Variants in WNT16 observed in about 807,000 individuals in gnomAD.
WNT16 encodes the protein Wnt family member 16.
In WNT16, 20 loss-of-function variants were observed where a neutral mutation model predicts 35.4. That is an observed-to-expected ratio of 0.56 (90% CI 0.40 to 0.82). The LOEUF is 0.82. Ranked by LOEUF, WNT16 falls within the 40% of genes least tolerant of loss-of-function variation. WNT16 has a pLI of 0.00. For missense variants in WNT16, 461 were observed against 466.0 expected (o/e 0.99, Z 0.10); for synonymous variants, 180 against 179.2 (o/e 1.00, Z -0.03).
chr7:121,325,496 T>C, upstream of WNT16: 1 of 1,610,580 alleles, frequency 6.2e-7, no homozygotes, highest in Non-Finnish European at 8.5e-7. Flanking sequence ...TTTTGTTTAT[T>C]TTTGGAGAAC....
rs1400809932 is a variant in WNT16 at position 121,329,630 on chromosome 7, C to G, written c.159C>G (p.Asn53Lys). 2 of 1,614,108 alleles carry G rather than the reference C, an allele frequency of 1.2e-6. No homozygotes were observed. Among genetic ancestry groups the G allele is most frequent in the South Asian group, 2.2e-5 (2 of 91,090 alleles). Residue 53 changes from asparagine to lysine, a missense_variant, in exon 2 of 4, where the codon AAC (asparagine) becomes AAG (lysine). Transcript: ENST00000222462. Reference protein sequence around the residue: ...EKLGCANLPLNSRQKELCKRK... With the variant: ...EKLGCANLPLKSRQKELCKRK... ...TGGGCTGCGCCAATTTGCCGCTGAA[C>G]AGCCGCCAGAAGGAGCTGTGCAAGA...
chr7:121,335,045 A>G (rs976184369), intron 3 of WNT16, among the ~76,000 whole-genome samples: 1 of 152,050 alleles, frequency 6.6e-6, no homozygotes, highest in Admixed American at 6.6e-5. Context: ...ATATTTTTGG[A>G]CAGAAAGGGA....
At chr7:121,336,644 A>G (rs1793450488) in intron 3 of WNT16, among the ~76,000 whole-genome samples, 1 of 152,176 alleles carries the variant, frequency 6.6e-6, no homozygotes, top group African/African-American at 2.4e-5. Context: ...TAGCAGTGAC[A>G]TGTGTTTAAG....
rs115876139 is a variant in WNT16, at chr7:121,329,766, A to T, written c.295A>T (p.Thr99Ser). 289 of 1,609,306 alleles carry T rather than the reference A, an allele frequency of 1.8e-4. 1 individual carries two copies. In the African/African-American group the frequency reaches 3.3e-3, roughly 18 times the overall value. Residue 99 changes from threonine to serine, a missense_variant, in exon 2 of 4, where the codon ACT becomes TCT. Physicochemically the swap from Thr to Ser is moderately conservative, Grantham distance 58. Coordinates refer to ENST00000222462, the MANE Select transcript of WNT16 (RefSeq NM_057168.2). ...RWNCMITAAA[T>S]TAPMGASPLF... Reference sequence around the variant, plus strand: ...GAACTGCATGATCACCGCCGCCGCCACTACCGCCCCGATGGGCGCCAGCCC... The same window carrying T: ...GAACTGCATGATCACCGCCGCCGCCTCTACCGCCCCGATGGGCGCCAGCCC...
At chr7:121,326,971 G>A (rs57275855), upstream of WNT16, among the ~76,000 whole-genome samples, 6,370 of 152,240 alleles carry the variant, frequency 0.042, 285 homozygotes, top group South Asian at 0.15. Flanking sequence ...CACTCAGGAT[G>A]TTCCTCATTG....
Position 121,339,249 on chromosome 7 carries a change from C to T in WNT16, c.1002C>T (p.Val334=). Residue 334 remains valine, a synonymous_variant, in exon 4 of 4, where the codon GTC becomes GTT. Transcript: ENST00000222462. ...CCGRGYNTHV[V]RHVERCECKF... is the part of the protein sequence containing the mutation. ...GCCGAGGTTACAACACCCATGTGGTCAGGCACGTGGAGAGGTGTGAGTGTA... is the reference window on the plus strand; with the variant it reads ...GCCGAGGTTACAACACCCATGTGGTTAGGCACGTGGAGAGGTGTGAGTGTA... 1 of 1,614,192 alleles carries T rather than the reference C, an allele frequency of 6.2e-7. No individual in the cohort carries two copies. Among genetic ancestry groups the T allele is most frequent in the South Asian group, 1.1e-5 (1 of 91,092 alleles).
At chr7:121,338,525 G>T (rs914591697) in intron 3 of WNT16, among the ~76,000 whole-genome samples, 1 of 152,180 alleles carries the variant, frequency 6.6e-6, no homozygotes, top group African/African-American at 2.4e-5. Context: ...GAACATACAG[G>T]CATGCATAAG....
Position 121,339,073 on chromosome 7 carries a change from A to C in WNT16, c.826A>C (p.Lys276Gln). Residue 276 changes from lysine (K) to glutamine (Q), a missense_variant, in exon 4 of 4, where the codon AAA becomes CAA. By Grantham distance (53) the Lys-to-Gln change is moderately conservative. Transcript: ENST00000222462. ...GCGCAGGAGAGAAAAAGATCAGAGG[A>C]AAATACCAATCCATAAGGATGATCT... Reference protein sequence around the residue: ...KMRRREKDQRKIPIHKDDLLY... With the variant: ...KMRRREKDQRQIPIHKDDLLY... 6.2e-7 allele frequency: 1 copy of C among 1,614,182 alleles called. No homozygotes were observed. The highest frequency in any genetic ancestry group is 1.1e-5 in the South Asian group (1 of 91,078).
At chr7:121,327,369 G>A (rs944163155), upstream of WNT16, among the ~76,000 whole-genome samples, 2 of 26,964 alleles carry the variant, frequency 7.4e-5, no homozygotes, top group African/African-American at 2.2e-4. Flanking sequence ...TTTTTTTTTT[G>A]AGTCGGAGTC....
At chr7:121,325,408 A>G, upstream of WNT16, 1 of 1,599,588 alleles carries the variant, frequency 6.3e-7, no homozygotes, top group Non-Finnish European at 8.5e-7. Context: ...AAAGATGGAA[A>G]GGCACCCATG....
intron 3 of WNT16, among the ~76,000 whole-genome samples, chr7:121,336,682 T>G (rs1793451176): frequency 6.6e-6 from 1 of 152,196 alleles, no homozygotes; most frequent in Non-Finnish European, 1.5e-5. Context: ...TCCCTCTTGA[T>G]TCAGTTTACC....
chr7:121,331,828 G>T lies in WNT16; in HGVS notation c.497G>T (p.Gly166Val). The change falls in exon 3 of 4, where the codon GGG becomes GTG. Residue 166 changes from glycine (G) to valine (V), a missense_variant. Physicochemically the swap from Gly to Val is moderately radical, Grantham distance 109. Transcript: ENST00000222462. The stretch of plus-strand genomic sequence containing the variant: ...TCAGCAAGTGAAGGCTGGCACTGGG[G>T]GGGCTGCTCCGATGATGTCCAGTAT... ...GGSASEGWHW[G>V]GCSDDVQYGM... 1.2e-6 allele frequency: 2 copies of T among 1,614,148 alleles called. No homozygotes were observed. Among genetic ancestry groups the T allele is most frequent in the Non-Finnish European group, 1.7e-6 (2 of 1,180,026 alleles).
At chr7:121,332,757 A>C (rs1053890458) in intron 3 of WNT16, among the ~76,000 whole-genome samples, 1 of 152,178 alleles carries the variant, frequency 6.6e-6, no homozygotes, top group Non-Finnish European at 1.5e-5. Flanking sequence ...ACTCCTAAGC[A>C]TAAAGAAGCT....
upstream of WNT16, chr7:121,325,478 A>G (rs781252255): frequency 6.2e-7 from 1 of 1,612,926 alleles, no homozygotes; most frequent in Non-Finnish European, 8.5e-7. Context: ...AGACCTCCCT[A>G]TGGTGGGTTT....
chr7:121,326,975 C>T (rs1793255807), upstream of WNT16, among the ~76,000 whole-genome samples: 1 of 152,172 alleles, frequency 6.6e-6, no homozygotes, highest in African/African-American at 2.4e-5. Context: ...CAGGATGTTC[C>T]TCATTGTTAA....
At chr7:121,333,474 G>A (rs1424122698) in intron 3 of WNT16, among the ~76,000 whole-genome samples, 1 of 151,844 alleles carries the variant, frequency 6.6e-6, no homozygotes, top group Non-Finnish European at 1.5e-5. Flanking sequence ...TTATAAAATT[G>A]TAAAAGTTAT....
rs1368954862 is a variant in WNT16, at chr7:121,331,947, A to C, written c.616A>C (p.Asn206His). Residue 206 changes from asparagine (N) to histidine (H), a missense_variant, in exon 3 of 4, where the codon AAT becomes CAT. Transcript: ENST00000222462. ...ACTATTAGCAATGAACCTACATAACAATGAAGCTGGAAGGCAGGTATGTAT... is the reference window on the plus strand; with the variant it reads ...ACTATTAGCAATGAACCTACATAACCATGAAGCTGGAAGGCAGGTATGTAT... ...KVLLAMNLHN[N>H]EAGRQAVAKL... 3.7e-6 allele frequency: 6 copies of C among 1,613,898 alleles called. No individual in the cohort carries two copies. The highest frequency in any genetic ancestry group is 5.1e-6 in the Non-Finnish European group (6 of 1,179,872).
chr7:121,337,025 C>CA lies in WNT16; in HGVS notation c.634-1853dup, dbSNP rs141425728. On this transcript the variant is annotated intron_variant, in intron 3 of 3. Coordinates refer to ENST00000222462, the MANE Select transcript of WNT16 (RefSeq NM_057168.2). ...AAACTTTGGGAGCTTAAAATTTGAA[C>CA]AAAGTAGGCAGATCACATTTATTTG... 5.3e-3 allele frequency among the ~76,000 whole-genome samples: 812 copies of CA among 152,218 alleles called. 7 individuals are homozygous for CA. The highest frequency in any genetic ancestry group is 0.019 in the African/African-American group (776 of 41,520).
In WNT16 at chr7:121,329,607, G is replaced by C; in HGVS notation, c.136G>C (p.Gly46Arg). The change falls in exon 2 of 4, where the codon GGC becomes CGC. Residue 46 changes from glycine to arginine, a missense_variant. Physicochemically the swap from Gly to Arg is moderately radical, Grantham distance 125 (BLOSUM62 -2). Transcript: ENST00000222462. ...CTCCTTCGGGGTTCCAGAGAAGCTG[G>C]GCTGCGCCAATTTGCCGCTGAACAG... is the stretch of plus-strand genomic sequence containing the variant. Reference protein sequence around the residue: ...IASFGVPEKLGCANLPLNSRQ... With the variant: ...IASFGVPEKLRCANLPLNSRQ... 1 of 1,614,230 alleles carries C rather than the reference G, an allele frequency of 6.2e-7. No homozygotes were observed. Among genetic ancestry groups the C allele is most frequent in the Non-Finnish European group, 8.5e-7 (1 of 1,180,034 alleles).
Sources: allele counts gnomAD v4.1 joint callset (sites outside exome capture counted in the v4.1 genomes callset), GRCh38; gene constraint gnomAD v4.1.1; transcripts MANE v1.5; gene names NCBI Gene and HGNC (gene_info 2026-07-23, HGNC 2026-07-21).